Variants in EGF observed in about 807,000 individuals in gnomAD.
EGF encodes the protein pro-epidermal growth factor.
A neutral mutation model predicts 143.8 loss-of-function variants in EGF; 95 were observed. That is an observed-to-expected ratio of 0.66 (90% CI 0.56 to 0.78). The LOEUF is 0.78. Among genes scored for constraint, EGF ranks in the 30% least tolerant of loss-of-function variants. The probability of loss-of-function intolerance (pLI) is 0.00; values close to 1 mark genes in which losing one functional copy is unlikely to be tolerated. For missense variants in EGF, 1,320 were observed against 1,470.9 expected, an observed-to-expected ratio of 0.90 and a Z score of 1.68; for synonymous variants, 510 against 510.5, an observed-to-expected ratio of 1.00 and a Z score of 0.01.
At chr4:109,934,678 G>C (rs1426896581) in intron 1 of EGF, among the ~76,000 whole-genome samples, 1 of 152,070 alleles carries the variant, frequency 6.6e-6, no homozygotes, top group African/African-American at 2.4e-5. Flanking sequence ...TTTCTTCTAG[G>C]GTTTTTATGG....
At chr4:109,934,699 T>C (rs530292624) in intron 1 of EGF, among the ~76,000 whole-genome samples, 2 of 152,166 alleles carry the variant, frequency 1.3e-5, no homozygotes, top group Non-Finnish European at 2.9e-5. Flanking sequence ...TTTTAGGTCT[T>C]ACATTTAAGT....
At chr4:110,008,346 G>T in intron 23 of EGF, 116 bp downstream of exon 23, 1 of 1,291,344 alleles carries the variant, frequency 7.7e-7, no homozygotes, top group Non-Finnish European at 1.1e-6. Flanking sequence ...TAACTAAATT[G>T]TATAAGCTAT....
At chr4:109,932,232 A>T (rs1349766141) in intron 1 of EGF, among the ~76,000 whole-genome samples, 3 of 151,042 alleles carry the variant, frequency 2.0e-5, no homozygotes, top group African/African-American at 7.3e-5. Context: ...TTATTGATTT[A>T]TTCAAAATTT....
intron 1 of EGF, among the ~76,000 whole-genome samples, chr4:109,939,209 C>G (rs1032089633): frequency 6.6e-6 from 1 of 152,166 alleles, no homozygotes; most frequent in African/African-American, 2.4e-5. Context: ...TTTGTTTACA[C>G]TGTGAGCATA....
chr4:109,940,475 G>T (rs78487048), intron 1 of EGF, among the ~76,000 whole-genome samples: 277 of 152,248 alleles, frequency 1.8e-3, no homozygotes, highest in African/African-American at 6.3e-3. Context: ...AGACCTTTTA[G>T]TTTTCACCGT....
Position 109,970,186 on chromosome 4 carries a change from T to A in EGF, c.1724+1067T>A, listed in dbSNP as rs76680841. Among the ~76,000 whole-genome samples, 31 of 152,238 alleles carry A rather than the reference T, an allele frequency of 2.0e-4. No individual in the cohort carries two copies. In the East Asian group the frequency reaches 3.1e-3, roughly 15 times the overall value. On this transcript the variant is annotated intron_variant, in intron 11 of 23. Coordinates refer to ENST00000265171, the MANE Select transcript of EGF (RefSeq NM_001963.6). ...AGCCTGCGTGAACCTCAGAACTGAA[T>A]GGCAGGAAGCAGGAAGGAAATGGCT... is the stretch of plus-strand genomic sequence containing the variant.
intron 5 of EGF, among the ~76,000 whole-genome samples, chr4:109,948,118 G>T (rs1482305446): frequency 6.6e-6 from 1 of 152,188 alleles, no homozygotes; most frequent in African/African-American, 2.4e-5. Context: ...ATTCACTAAA[G>T]TGCAGCCCCA....
At chr4:109,983,663 C>A in intron 16 of EGF, 122 bp downstream of exon 16, 2 of 1,351,356 alleles carry the variant, frequency 1.5e-6, no homozygotes, top group Non-Finnish European at 2.1e-6. Context: ...CTAATGAAAC[C>A]AAACCTTGGA....
At chr4:109,926,108 C>T (rs980512073) in intron 1 of EGF, among the ~76,000 whole-genome samples, 1 of 152,146 alleles carries the variant, frequency 6.6e-6, no homozygotes, top group African/African-American at 2.4e-5. Context: ...TGTCACAAAA[C>T]GTCAAATGTC....
At chr4:109,957,314 C>G (rs1249594457) in intron 5 of EGF, among the ~76,000 whole-genome samples, 3 of 152,186 alleles carry the variant, frequency 2.0e-5, no homozygotes, top group Non-Finnish European at 4.4e-5. Context: ...GCCAAATCCC[C>G]AAACAGGTCA....
At chr4:110,003,546 A>C (rs1752852536) in intron 21 of EGF, among the ~76,000 whole-genome samples, 1 of 152,128 alleles carries the variant, frequency 6.6e-6, no homozygotes. Context: ...TGGAACGTCC[A>C]GGTAGGGCTT....
chr4:109,934,370 T>A (rs1740374552), intron 1 of EGF, among the ~76,000 whole-genome samples: 1 of 152,236 alleles, frequency 6.6e-6, no homozygotes, highest in South Asian at 2.1e-4. Context: ...TCTTAGGAAG[T>A]GTCTGTTCAT....
At chr4:109,981,858 G>A (rs969811268) in intron 15 of EGF, among the ~76,000 whole-genome samples, 7 of 152,040 alleles carry the variant, frequency 4.6e-5, no homozygotes, top group Admixed American at 2.6e-4. Context: ...TTAAAAAGCT[G>A]TGTAGTCAAT....
intron 1 of EGF, among the ~76,000 whole-genome samples, chr4:109,915,005 A>T (rs1442629035): frequency 6.6e-6 from 1 of 152,246 alleles, no homozygotes; most frequent in Non-Finnish European, 1.5e-5. Context: ...CCAAGAAATT[A>T]CAAAAATGAG....
chr4:109,994,146 G>T (rs1454909828), intron 19 of EGF, among the ~76,000 whole-genome samples: 1 of 151,948 alleles, frequency 6.6e-6, no homozygotes, highest in African/African-American at 2.4e-5. Flanking sequence ...AAGGAGCAGT[G>T]AACCATTCAA....
At chr4:109,980,219 C>G (rs1749135590) in intron 14 of EGF, 80 bp downstream of exon 14, 7 of 1,375,268 alleles carry the variant, frequency 5.1e-6, no homozygotes, top group East Asian at 2.4e-5. Context: ...ATGCAGTTGG[C>G]GGGGGGGTGG....
At position 110,013,637 on chromosome 4, in the gene EGF, C is replaced by T. The variant is rs537264890; in HGVS notation, c.*2182C>T. ...TTTTTCCAGACTGAATACTTTTCCT[C>T]CCTAACTCTCATCGTCTCATTGCGC... On this transcript the variant is annotated 3_prime_UTR_variant, in exon 24 of 24. Coordinates refer to ENST00000265171, the MANE Select transcript of EGF (RefSeq NM_001963.6). Among the ~76,000 whole-genome samples, 19 of 152,166 alleles carry T rather than the reference C, an allele frequency of 1.2e-4. No homozygotes were observed. The highest frequency in any genetic ancestry group is 4.6e-4 in the African/African-American group (19 of 41,540).
intron 9 of EGF, 148 bp downstream of exon 9, chr4:109,963,446 G>A (rs1746037099): frequency 3.1e-6 from 3 of 979,056 alleles, no homozygotes; most frequent in Non-Finnish European, 4.6e-6. Context: ...AATAATATGA[G>A]TAATAACAAT....
intron 1 of EGF, among the ~76,000 whole-genome samples, chr4:109,916,288 A>G (rs548817928): frequency 6.6e-6 from 1 of 152,256 alleles, no homozygotes; most frequent in East Asian, 1.9e-4. Flanking sequence ...AGCCAGGGTT[A>G]TGCGATTTTT....
Sources: gnomAD v4.1 joint callset for allele counts (sites outside exome capture counted in the v4.1 genomes callset) on GRCh38, gnomAD v4.1.1 for gene constraint, MANE v1.5 for transcripts, NCBI Gene and HGNC (gene_info 2026-07-23, HGNC 2026-07-21) for gene names.